Variants in TMEM175 observed in about 807,000 individuals in gnomAD.
TMEM175 encodes the protein transmembrane protein 175.
In TMEM175, 36 loss-of-function variants were observed where a neutral mutation model predicts 36.5. The observed-to-expected ratio is 0.99, with a 90% CI of 0.76 to 1.30. The LOEUF is 1.30. Ranked by LOEUF, TMEM175 falls within the 50% of genes most tolerant of loss-of-function variation. TMEM175 has a pLI of 0.00. For missense variants in TMEM175, 705 were observed against 692.8 expected (o/e 1.02, Z -0.20); for synonymous variants, 339 against 313.4 (o/e 1.08, Z -0.86).
intron 8 of TMEM175, among the ~76,000 whole-genome samples, chr4:954,543 AGCATTGTTGCGTGTGGAGCCACTGTGG>A (rs1729377273): frequency 6.6e-6 from 1 of 151,974 alleles, no homozygotes; most frequent in Admixed American, 6.6e-5. Context: ...CGCCGGTGTG[AGCATTGTTGCGTGTGGAGCCACTGTGG>A]GCATTGCTGG....
intron 1 of TMEM175, among the ~76,000 whole-genome samples, chr4:937,183 A>T (rs781268921): frequency 3.0e-4 from 46 of 152,236 alleles, no homozygotes; most frequent in Non-Finnish European, 4.3e-4. Flanking sequence ...AAAAATGTAA[A>T]TTTTTTAAGA....
intron 3 of TMEM175, among the ~76,000 whole-genome samples, chr4:949,745 C>T (rs1010494449): frequency 3.9e-5 from 6 of 151,966 alleles, no homozygotes; most frequent in Non-Finnish European, 5.9e-5. Context: ...GCCTCCACGC[C>T]CACCGCGGCC....
intron 1 of TMEM175, among the ~76,000 whole-genome samples, chr4:933,270 G>T (rs981228806): frequency 6.6e-6 from 1 of 152,078 alleles, no homozygotes; most frequent in Non-Finnish European, 1.5e-5. Flanking sequence ...GCTTTGGGAG[G>T]CCGAGGCAGG....
intron 1 of TMEM175, among the ~76,000 whole-genome samples, chr4:933,378 G>A (rs973321192): frequency 6.6e-6 from 1 of 152,046 alleles, no homozygotes; most frequent in African/African-American, 2.4e-5. Context: ...GTGGTGGCGG[G>A]TGCCTGTAAT....
At chr4:949,276 G>A (rs922117921) in intron 3 of TMEM175, among the ~76,000 whole-genome samples, 9 of 152,200 alleles carry the variant, frequency 5.9e-5, no homozygotes, top group East Asian at 1.9e-4. Context: ...AACCTGCTCC[G>A]ACTTCTCTGC....
In TMEM175 at chr4:951,216, A is replaced by C. The variant is rs912513342; in HGVS notation, c.300A>C (p.Gln100His). The C allele has an allele frequency of 5.6e-6, 9 of 1,614,068 alleles. No homozygotes were observed. Among genetic ancestry groups the C allele is most frequent in the Non-Finnish European group, 7.6e-6 (9 of 1,179,992 alleles). ...TTCTTAAATGGTTTAGGTTGTTCCA[A>C]GTTGTTGGGAAAACAGACGACACAC... ...VAWAAHTRLFQVVGKTDDTLA... is the reference protein window; with the variant it reads ...VAWAAHTRLFHVVGKTDDTLA... Residue 100 changes from glutamine to histidine, a missense_variant, in exon 5 of 11, where the codon CAA becomes CAC. Coordinates refer to ENST00000264771, the MANE Select transcript of TMEM175 (RefSeq NM_032326.4).
chr4:935,893 C>A (rs1460589236), intron 1 of TMEM175, among the ~76,000 whole-genome samples: 1 of 152,158 alleles, frequency 6.6e-6, no homozygotes, highest in Non-Finnish European at 1.5e-5. Flanking sequence ...TTTTTCAACT[C>A]ACTTTTAAAT....
In TMEM175 at chr4:942,931, C is replaced by T. The variant is rs142380702; in HGVS notation, c.-31-4778C>T. Among the ~76,000 whole-genome samples the T allele has an allele frequency of 1.8e-3, 274 of 152,138 alleles. 9 individuals carry two copies. The East Asian group carries it at 0.05, about 28-fold the overall frequency. On this transcript the variant is annotated intron_variant, in intron 1 of 10. Transcript: ENST00000264771. The stretch of plus-strand genomic sequence containing the variant: ...CTGGGATTACAGGTGTGAGCCACTG[C>T]GCCCAGCCAAAATTCAGAACTTCTG...
Position 957,672 on chromosome 4 carries a change from C to T in TMEM175, c.843-152C>T, listed in dbSNP as rs762599346. The T allele has an allele frequency of 1.5e-4, 108 of 715,508 alleles. 1 individual carries two copies. The highest frequency in any genetic ancestry group is 2.2e-4 in the Non-Finnish European group (92 of 420,200). 44.3% of individuals were successfully genotyped at this position (715,508 alleles called of 1,614,324 possible). A position where few individuals can be genotyped will look rare whatever the true frequency, so the allele number is the denominator to read the frequency against. On this transcript the variant is annotated intron_variant, in intron 10 of 10. Transcript: ENST00000264771. ...TCAGTGTGCCAAATACACATAAATA[C>T]GGCGTTCTGAAATTTAGCACACTGG... is the stretch of plus-strand genomic sequence containing the variant.
intron 8 of TMEM175, 127 bp downstream of exon 8, chr4:953,481 C>A: frequency 8.3e-7 from 1 of 1,209,936 alleles, no homozygotes; most frequent in South Asian, 1.6e-5. Flanking sequence ...CACCCAGGGT[C>A]TTGTGTGTGA....
At chr4:948,369 G>T in intron 3 of TMEM175, 4 of 1,532,854 alleles carry the variant, frequency 2.6e-6, no homozygotes, top group South Asian at 1.2e-5. Context: ...CCTCCTGGGA[G>T]GGTGGGAGAC....
chr4:941,732 G>A (rs1004855728), intron 1 of TMEM175, among the ~76,000 whole-genome samples: 12 of 151,850 alleles, frequency 7.9e-5, no homozygotes, highest in Admixed American at 6.6e-4. Flanking sequence ...CACCGCGCCC[G>A]GCCTCTGCTA....
chr4:953,413 T>C, intron 8 of TMEM175, 59 bp downstream of exon 8: 20 of 1,530,354 alleles, frequency 1.3e-5, no homozygotes, highest in Non-Finnish European at 1.8e-5. Context: ...ATAGGAGCAA[T>C]GTCCCCGCTG....
chr4:932,922 A>G lies in TMEM175; in HGVS notation c.-32+382A>G, dbSNP rs914205370. On this transcript the variant is annotated intron_variant, in intron 1 of 10. Coordinates refer to ENST00000264771, the MANE Select transcript of TMEM175 (RefSeq NM_032326.4). This position sits in a 1 kb window ranked among gnomAD's most constrained non-coding sequence, Gnocchi z 4.0. ...CAGGGTCTGGCCTGGGGCAGTGACCAGTAGTGGGAGCCGTGGGCTAGAAAA... is the reference window on the plus strand; with the variant it reads ...CAGGGTCTGGCCTGGGGCAGTGACCGGTAGTGGGAGCCGTGGGCTAGAAAA... Among the ~76,000 whole-genome samples, 1 of 152,230 alleles carries G rather than the reference A, an allele frequency of 6.6e-6. No homozygotes were observed. The highest frequency in any genetic ancestry group is 2.4e-5 in the African/African-American group (1 of 41,456).
chr4:953,459 A>C, intron 8 of TMEM175, 105 bp downstream of exon 8: 1 of 1,368,622 alleles, frequency 7.3e-7, no homozygotes, highest in Non-Finnish European at 9.8e-7. Context: ...GAGCGCAGAC[A>C]GGCAGGGGTT....
At position 950,247 on chromosome 4, in the gene TMEM175, G is replaced by C. The variant is rs538445840; in HGVS notation, c.193-174G>C. Among the ~76,000 whole-genome samples the C allele has an allele frequency of 1.4e-4, 21 of 152,212 alleles. No homozygotes were observed. In the East Asian group the frequency reaches 3.1e-3, roughly 22 times the overall value. ...GAGACGGAGGCTGGACCCAGACCAG[G>C]GCACTCAGGGTCTGCTGGGGAGGCC... is the stretch of plus-strand genomic sequence containing the variant. On this transcript the variant is annotated intron_variant, in intron 3 of 10. Coordinates refer to ENST00000264771, the MANE Select transcript of TMEM175 (RefSeq NM_032326.4).
At chr4:942,307 C>T (rs756336333) in intron 1 of TMEM175, among the ~76,000 whole-genome samples, 5 of 152,054 alleles carry the variant, frequency 3.3e-5, no homozygotes, top group Admixed American at 6.6e-5. Context: ...CCTTGTGATC[C>T]GCCTTCCTCA....
In TMEM175 at chr4:956,447, T is replaced by TC. The variant is rs922579480; in HGVS notation, c.842+557_842+558insC. 9 of 1,211,186 alleles carry TC rather than the reference T, an allele frequency of 7.4e-6. No individual in the cohort carries two copies. The African/African-American group carries it at 8.0e-5, about 11-fold the overall frequency. The allele number at this position is 1,211,186 out of a possible 1,614,324, so 75.0% of individuals were successfully genotyped here. On this transcript the variant is annotated intron_variant, in intron 10 of 10. Coordinates refer to ENST00000264771, the MANE Select transcript of TMEM175 (RefSeq NM_032326.4). ...CACGTTTTTGGTTTTTGTGGGGTTTTTTTTTTTTTTTTTTTGAGACAGTCC... is the reference window on the plus strand; with the variant it reads ...CACGTTTTTGGTTTTTGTGGGGTTTTCTTTTTTTTTTTTTTTGAGACAGTCC...
At chr4:949,418 ATG>A (rs1728584804) in intron 3 of TMEM175, among the ~76,000 whole-genome samples, 2 of 152,210 alleles carry the variant, frequency 1.3e-5, no homozygotes, top group Admixed American at 1.3e-4. Flanking sequence ...GAACACATTT[ATG>A]TGAAGAGGGA....
Sources: allele counts gnomAD v4.1 joint callset (sites outside exome capture counted in the v4.1 genomes callset), GRCh38; gene constraint gnomAD v4.1.1; non-coding constraint Gnocchi (gnomAD v3.1); transcripts MANE v1.5; gene names NCBI Gene and HGNC (gene_info 2026-07-23, HGNC 2026-07-21).